Variants in ESRRB observed in about 807,000 individuals in gnomAD.
The protein encoded by ESRRB is estrogen related receptor beta.
ESRRB carries 16 observed loss-of-function variants against 46.0 expected under a neutral mutation model. That is an observed-to-expected ratio of 0.35 (90% CI 0.24 to 0.53). The LOEUF is 0.53. ESRRB is among the 20% of genes least tolerant of loss of function. The pLI is 0.93. For synonymous variants in ESRRB, 246 were observed against 259.6 expected, an observed-to-expected ratio of 0.95 and a Z score of 0.50; for missense variants, 488 against 607.4, an observed-to-expected ratio of 0.80 and a Z score of 2.07.
At chr14:76,427,032 A>G (rs1388051914) in intron 1 of ESRRB, among the ~76,000 whole-genome samples, 4 of 152,316 alleles carry the variant, frequency 2.6e-5, no homozygotes, top group Admixed American at 1.3e-4. Context: ...CTGCAGGGGC[A>G]TGGGAGGAAT....
intron 1 of ESRRB, among the ~76,000 whole-genome samples, chr14:76,318,045 C>T (rs58411387): frequency 0.093 from 14,137 of 152,212 alleles, 793 homozygotes; most frequent in East Asian, 0.23. Context: ...GGAAAACTGT[C>T]AGGGTTCCTT....
intron 1 of ESRRB, among the ~76,000 whole-genome samples, chr14:76,391,243 G>C (rs1885457868): frequency 6.6e-6 from 1 of 152,200 alleles, no homozygotes; most frequent in Admixed American, 6.5e-5. Flanking sequence ...GGCTTTTCTA[G>C]ACTCCTCCGT....
chr14:76,407,062 G>A (rs1267364873), intron 1 of ESRRB, among the ~76,000 whole-genome samples: 2 of 152,202 alleles, frequency 1.3e-5, no homozygotes, highest in East Asian at 3.9e-4. Context: ...AGTGGCTGTT[G>A]GGAGAATCAG....
intron 1 of ESRRB, among the ~76,000 whole-genome samples, chr14:76,398,780 A>C (rs1438279869): frequency 6.6e-6 from 1 of 152,234 alleles, no homozygotes; most frequent in South Asian, 2.1e-4. Context: ...CTCCTTTTAC[A>C]AGTGTTGAAA....
intron 1 of ESRRB, among the ~76,000 whole-genome samples, chr14:76,391,227 C>T (rs558991884): frequency 6.6e-6 from 1 of 152,162 alleles, no homozygotes; most frequent in East Asian, 1.9e-4. Context: ...AGCAAGAGTG[C>T]GTTTGGGCTT....
At chr14:76,322,524 A>G (rs1883879982) in intron 1 of ESRRB, among the ~76,000 whole-genome samples, 1 of 152,008 alleles carries the variant, frequency 6.6e-6, no homozygotes, top group Non-Finnish European at 1.5e-5. Context: ...TCCCATAGAC[A>G]ATGTTTTCAT....
At chr14:76,459,323 G>A (rs1888755993) in intron 2 of ESRRB, among the ~76,000 whole-genome samples, 2 of 152,186 alleles carry the variant, frequency 1.3e-5, no homozygotes, top group Admixed American at 1.3e-4. Flanking sequence ...GAGAGGAGCT[G>A]GAGTAGGTGG....
chr14:76,455,045 C>T (rs1032958659), intron 2 of ESRRB, among the ~76,000 whole-genome samples: 18 of 107,734 alleles, frequency 1.7e-4, no homozygotes, highest in South Asian at 1.4e-3. Flanking sequence ...GGTGAAACCC[C>T]GTCTCTACTA....
intron 1 of ESRRB, among the ~76,000 whole-genome samples, chr14:76,414,584 C>T (rs1886609896): frequency 1.3e-5 from 2 of 150,328 alleles, no homozygotes; most frequent in Non-Finnish European, 2.9e-5. Flanking sequence ...CAGATCCCCA[C>T]TCCCCCAACC....
At position 76,404,089 on chromosome 14, in the gene ESRRB, G is replaced by C. The variant is rs534466856; in HGVS notation, c.50+27638G>C. On this transcript the variant is annotated intron_variant, in intron 1 of 6. Transcript: ENST00000644823. ...AAGTCTACATACTCTCAAATATCTG[G>C]TGTGCTTTCTGTCTATCTGCTGTGC... Among the ~76,000 whole-genome samples the C allele has an allele frequency of 2.7e-4, 41 of 152,210 alleles. 1 individual carries two copies. The highest frequency in any genetic ancestry group is 9.9e-4 in the African/African-American group (41 of 41,534).
At chr14:76,373,073 G>T (rs1595058591), upstream of ESRRB, among the ~76,000 whole-genome samples, 1 of 152,258 alleles carries the variant, frequency 6.6e-6, no homozygotes, top group East Asian at 1.9e-4. Flanking sequence ...CAATTTAAAG[G>T]CATTTGTCAC....
At chr14:76,334,108 T>G (rs1385868060) in intron 1 of ESRRB, among the ~76,000 whole-genome samples, 2 of 152,280 alleles carry the variant, frequency 1.3e-5, no homozygotes, top group Non-Finnish European at 2.9e-5. Flanking sequence ...TGTTAGCTAT[T>G]AATAAGAATT....
chr14:76,428,716 C>T (rs912813450), intron 1 of ESRRB, among the ~76,000 whole-genome samples: 1 of 152,218 alleles, frequency 6.6e-6, no homozygotes, highest in Admixed American at 6.5e-5. Context: ...CCAATTGTCT[C>T]TTCCTGCCTT....
intron 5 of ESRRB, among the ~76,000 whole-genome samples, chr14:76,487,799 T>G (rs903586186): frequency 9.9e-5 from 15 of 152,234 alleles, no homozygotes; most frequent in African/African-American, 3.6e-4. Context: ...AGATGGTGTT[T>G]TGCCATGTTG....
upstream of ESRRB, among the ~76,000 whole-genome samples, chr14:76,374,393 A>G (rs1884695763): frequency 6.6e-6 from 1 of 152,174 alleles, no homozygotes; most frequent in Admixed American, 6.5e-5. Context: ...TAGGTGGCAG[A>G]TGTAAAGACT....
At position 76,408,475 on chromosome 14, in the gene ESRRB, G is replaced by T. The variant is rs563904920; in HGVS notation, c.51-30866G>T. Among the ~76,000 whole-genome samples, 130 of 151,646 alleles carry T rather than the reference G, an allele frequency of 8.6e-4. 1 individual carries two copies. The highest frequency in any genetic ancestry group is 3.1e-3 in the African/African-American group (130 of 41,304). On this transcript the variant is annotated intron_variant, in intron 1 of 6. Coordinates refer to ENST00000644823, the MANE Select transcript of ESRRB (RefSeq NM_001379180.1). ...ATGGGGGTGCATGCCTGTGGTCCCAGCTCCTCCGGAGGCTAAGGTGGTGGG... is the reference window on the plus strand; with the variant it reads ...ATGGGGGTGCATGCCTGTGGTCCCATCTCCTCCGGAGGCTAAGGTGGTGGG...
rs912619458 is a variant in ESRRB at position 76,422,863 on chromosome 14, C to T, written c.51-16478C>T. Among the ~76,000 whole-genome samples, 20 of 152,322 alleles carry T rather than the reference C, an allele frequency of 1.3e-4. No individual in the cohort carries two copies. In the South Asian group the frequency reaches 4.1e-3, roughly 32 times the overall value. On this transcript the variant is annotated intron_variant, in intron 1 of 6. Transcript: ENST00000644823. ...CCCAGGCCCTGTCAGTTCCCTCTCT[C>T]AAGGGCAGGGGGCCGTGAAACATTT...
At chr14:76,310,975 CCTTTCTCTCTCT>C in intron 1 of ESRRB, 1 of 357,632 alleles carries the variant, frequency 2.8e-6, no homozygotes, top group Non-Finnish European at 5.3e-6. Context: ...TTTTCTGTCC[CCTTTCTCTCTCT>C]CTCTCTCTCT....
intron 2 of ESRRB, among the ~76,000 whole-genome samples, chr14:76,440,961 T>G (rs944228681): frequency 6.6e-6 from 1 of 152,140 alleles, no homozygotes; most frequent in African/African-American, 2.4e-5. Flanking sequence ...GACAGGAGAA[T>G]CGCTTGAACC....
Sources: allele counts gnomAD v4.1 joint callset (sites outside exome capture counted in the v4.1 genomes callset), GRCh38; gene constraint gnomAD v4.1.1; transcripts MANE v1.5; gene names NCBI Gene and HGNC (gene_info 2026-07-23, HGNC 2026-07-21).